Variants in GPATCH2L observed in about 807,000 individuals in gnomAD.
GPATCH2L encodes the protein G patch domain-containing protein 2-like.
Under a neutral mutation model 57.4 loss-of-function variants are expected in GPATCH2L, and 31 were observed. That is an observed-to-expected ratio of 0.54 (90% CI 0.41 to 0.73). The LOEUF is 0.73. Among genes scored for constraint, GPATCH2L ranks in the 30% least tolerant of loss-of-function variants. The pLI is 0.00. For synonymous variants in GPATCH2L, 199 were observed against 210.7 expected (o/e 0.94, Z 0.48); for missense variants, 481 against 599.9 (o/e 0.80, Z 2.07).
chr14:76,177,664 A>G (rs1176371878), intron 6 of GPATCH2L, among the ~76,000 whole-genome samples: 2 of 146,714 alleles, frequency 1.4e-5, no homozygotes, highest in Admixed American at 6.8e-5. Flanking sequence ...TCAGTCTTTT[A>G]CATTCCATTA....
At chr14:76,215,575 A>T (rs1486510724), downstream of GPATCH2L, among the ~76,000 whole-genome samples, 1 of 151,906 alleles carries the variant, frequency 6.6e-6, no homozygotes, top group Non-Finnish European at 1.5e-5. Flanking sequence ...ACCATGGAAT[A>T]CTATGCAGCC....
At chr14:76,184,867 G>A (rs1228449955) in intron 8 of GPATCH2L, among the ~76,000 whole-genome samples, 1 of 152,198 alleles carries the variant, frequency 6.6e-6, no homozygotes, top group Admixed American at 6.5e-5. Context: ...TTATTTTAAA[G>A]CTCCCTAGGT....
intron 8 of GPATCH2L, among the ~76,000 whole-genome samples, chr14:76,186,702 C>T (rs957346431): frequency 6.6e-6 from 1 of 152,198 alleles, no homozygotes; most frequent in African/African-American, 2.4e-5. Flanking sequence ...GTCTCGTTGA[C>T]AGTGGCTCTC....
At chr14:76,194,195 G>A (rs890576851) in intron 8 of GPATCH2L, among the ~76,000 whole-genome samples, 2 of 152,110 alleles carry the variant, frequency 1.3e-5, no homozygotes, top group Admixed American at 6.5e-5. Flanking sequence ...GAAAAAGGAA[G>A]CGTTTTCCCT....
rs1481700105 is a variant in GPATCH2L at position 76,171,882 on chromosome 14, G to A, written c.767G>A (p.Cys256Tyr). 6.2e-7 allele frequency: 1 copy of A among 1,607,942 alleles called. No individual in the cohort carries two copies. Among genetic ancestry groups the A allele is most frequent in the Non-Finnish European group, 8.5e-7 (1 of 1,176,344 alleles). ...AGTGATTGGTTCTATGAAGGAGAAT[G>A]TGTCCCAGGATTCACTGTCCCTAAT... ...EQSDWFYEGE[C>Y]VPGFTVPNLL... The change falls in exon 4 of 10, where the codon TGT becomes TAT. Residue 256 changes from cysteine to tyrosine, a missense_variant. By Grantham distance (194) the Cys-to-Tyr change is radical. Coordinates refer to ENST00000261530, the MANE Select transcript of GPATCH2L (RefSeq NM_017926.4).
At chr14:76,228,137 C>T (rs764357597) in intron 1 of GPATCH2L, among the ~76,000 whole-genome samples, 42 of 152,126 alleles carry the variant, frequency 2.8e-4, no homozygotes, top group Non-Finnish European at 5.1e-4. Context: ...CCAAAGGGTG[C>T]GCATAGCTTT....
At chr14:76,185,966 C>T (rs959560276) in intron 8 of GPATCH2L, among the ~76,000 whole-genome samples, 1 of 152,082 alleles carries the variant, frequency 6.6e-6, no homozygotes, top group Non-Finnish European at 1.5e-5. Flanking sequence ...CTTAATCTTC[C>T]CATACCTCAA....
intron 6 of GPATCH2L, 35 bp from the exon 7 acceptor site, chr14:76,177,953 A>G: frequency 1.2e-6 from 2 of 1,601,428 alleles, no homozygotes; most frequent in Non-Finnish European, 1.7e-6. Flanking sequence ...TTTCTTTGTC[A>G]TCTTTATTTT....
intron 2 of GPATCH2L, among the ~76,000 whole-genome samples, chr14:76,160,788 G>A (rs2038546192): frequency 1.3e-5 from 2 of 152,072 alleles, no homozygotes; most frequent in Admixed American, 6.5e-5. Flanking sequence ...GTGAGAAGAC[G>A]TTCCATCTAC....
intron 1 of GPATCH2L, among the ~76,000 whole-genome samples, chr14:76,229,525 A>G (rs1436002734): frequency 6.6e-6 from 1 of 152,124 alleles, no homozygotes; most frequent in Non-Finnish European, 1.5e-5. Flanking sequence ...TTTTTCTCGC[A>G]TTAGTCCCTC....
intron 9 of GPATCH2L, among the ~76,000 whole-genome samples, chr14:76,199,751 A>G (rs1162523100): frequency 2.6e-5 from 4 of 151,780 alleles, no homozygotes; most frequent in East Asian, 1.9e-4. Flanking sequence ...AACAGCATGT[A>G]AAAAAACAGT....
At chr14:76,161,694 A>C (rs370875334) in intron 2 of GPATCH2L, among the ~76,000 whole-genome samples, 10 of 152,320 alleles carry the variant, frequency 6.6e-5, no homozygotes, top group Admixed American at 2.0e-4. Flanking sequence ...CAAAGAGTTT[A>C]TAAAGATTCT....
chr14:76,230,396 A>G (rs1188917832), intron 2 of GPATCH2L: 1 of 152,030 alleles, frequency 6.6e-6, no homozygotes, highest in East Asian at 1.9e-4. Context: ...GTATTTGCAG[A>G]ATGAATTCTC....
intron 7 of GPATCH2L, chr14:76,178,376 C>A: frequency 1.7e-6 from 1 of 587,872 alleles, no homozygotes; most frequent in Non-Finnish European, 2.5e-6. Context: ...TGGTCCCCAA[C>A]CTTATGTCAC....
chr14:76,208,578 C>G lies in GPATCH2L; in HGVS notation c.*6727C>G, dbSNP rs2040405809. The G allele has an allele frequency of 6.5e-6, 1 of 153,050 alleles. No homozygotes were observed. 9.5% of individuals were successfully genotyped at this position (153,050 alleles called of 1,614,324 possible). On this transcript the variant is annotated 3_prime_UTR_variant, in exon 10 of 10. Transcript: ENST00000261530. ...TCCCACTTAGACACCCACACACACA[C>G]ACGCTTCCTTACCTTCTTGCCAGTG...
chr14:76,174,043 A>C (rs540841882), intron 5 of GPATCH2L: 15 of 189,236 alleles, frequency 7.9e-5, no homozygotes, highest in East Asian at 5.0e-4. Flanking sequence ...ATTAAAAAAA[A>C]AAAACAAAAC....
At chr14:76,220,718 G>A (rs1191981198) in intron 1 of GPATCH2L, among the ~76,000 whole-genome samples, 1 of 152,056 alleles carries the variant, frequency 6.6e-6, no homozygotes, top group East Asian at 1.9e-4. Flanking sequence ...AAATTCCAAA[G>A]GGTAAATCAC....
Position 76,154,547 on chromosome 14 carries a change from A to G in GPATCH2L, c.184A>G (p.Ser62Gly), listed in dbSNP as rs761905185. 1.9e-6 allele frequency: 3 copies of G among 1,614,252 alleles called. No homozygotes were observed. The highest frequency in any genetic ancestry group is 2.5e-6 in the Non-Finnish European group (3 of 1,180,044). The change falls in exon 2 of 10, where the codon AGC (serine) becomes GGC (glycine). Residue 62 changes from serine (S) to glycine (G), a missense_variant. Physicochemically the swap from Ser to Gly is moderately conservative, Grantham distance 56. This residue lies in a region of GPATCH2L where 208 missense variants were observed against 272.4 expected (regional missense o/e 0.76). Transcript: ENST00000261530. This position sits in a 1 kb window ranked among gnomAD's most constrained non-coding sequence, Gnocchi z 4.4. Reference protein sequence around the residue: ...THLAEHTCCYSEASESSLDEA... With the variant: ...THLAEHTCCYGEASESSLDEA... ...CCTGGCAGAGCATACCTGCTGCTAC[A>G]GCGAGGCCTCTGAGTCAAGTCTGGA...
downstream of GPATCH2L, among the ~76,000 whole-genome samples, chr14:76,216,867 C>G (rs1016322957): frequency 6.6e-6 from 1 of 151,892 alleles, no homozygotes. Flanking sequence ...TGAAACAGGC[C>G]CAATTGCATA....
Sources: gnomAD v4.1 joint callset for allele counts (sites outside exome capture counted in the v4.1 genomes callset) on GRCh38, gnomAD v4.1.1 for gene constraint, gnomAD v4.1.1 regional missense constraint, Gnocchi (gnomAD v3.1) non-coding constraint, MANE v1.5 for transcripts, NCBI Gene and HGNC (gene_info 2026-07-23, HGNC 2026-07-21) for gene names.